PTBP2: variants seen among roughly 807,000 people sequenced by gnomAD.
PTBP2 encodes the protein polypyrimidine tract-binding protein 2.
PTBP2 carries 13 observed loss-of-function variants against 61.4 expected under a neutral mutation model. That is an observed-to-expected ratio of 0.21 (90% confidence interval 0.14 to 0.34). PTBP2 has a LOEUF of 0.34. Among genes scored for constraint, PTBP2 ranks in the 10% least tolerant of loss-of-function variants. PTBP2 has a pLI of 1.00. For synonymous variants in PTBP2, 215 were observed against 218.5 expected (o/e 0.98, Z 0.14); for missense variants, 405 against 642.6 (o/e 0.63, Z 4.00).
At chr1:96,763,132 G>A (rs1472736104) in intron 3 of PTBP2, among the ~76,000 whole-genome samples, 1 of 151,752 alleles carries the variant, frequency 6.6e-6, no homozygotes. Flanking sequence ...CGTTCCAGAC[G>A]ATGGGCGGCC....
intron 2 of PTBP2, among the ~76,000 whole-genome samples, chr1:96,740,661 T>G (rs957865284): frequency 6.6e-6 from 1 of 152,136 alleles, no homozygotes; most frequent in East Asian, 1.9e-4. Context: ...ATTTACTACA[T>G]GTTTATGTAT....
chr1:96,779,591 A>G (rs570173260), intron 7 of PTBP2, among the ~76,000 whole-genome samples: 1 of 152,206 alleles, frequency 6.6e-6, no homozygotes, highest in East Asian at 1.9e-4. Flanking sequence ...CAACTATGAT[A>G]TTGATGTTTG....
At chr1:96,723,622 G>T in intron 2 of PTBP2, 28 bp downstream of exon 2, 1 of 1,547,314 alleles carries the variant, frequency 6.5e-7, no homozygotes, top group East Asian at 2.3e-5. Flanking sequence ...TTGAAACTGG[G>T]ATTGTTGGAT....
At chr1:96,769,554 C>T in intron 3 of PTBP2, 149 bp from the exon 4 acceptor site, 4 of 490,226 alleles carry the variant, frequency 8.2e-6, no homozygotes, top group East Asian at 3.4e-5. Flanking sequence ...CTTTGAAAGC[C>T]TGGCATTTGA....
At chr1:96,761,105 T>C (rs1176907926) in intron 3 of PTBP2, among the ~76,000 whole-genome samples, 2 of 152,214 alleles carry the variant, frequency 1.3e-5, no homozygotes, top group African/African-American at 4.8e-5. Flanking sequence ...TCATTAATTT[T>C]TTGTTTAGAA....
intron 11 of PTBP2, among the ~76,000 whole-genome samples, chr1:96,807,681 G>A (rs1661636120): frequency 6.6e-6 from 1 of 152,182 alleles, no homozygotes; most frequent in Non-Finnish European, 1.5e-5. Flanking sequence ...GTAAGGACGA[G>A]TGTATTTTTG....
chr1:96,788,469 A>C (rs1444244882), intron 8 of PTBP2, among the ~76,000 whole-genome samples: 1 of 152,036 alleles, frequency 6.6e-6, no homozygotes, highest in Non-Finnish European at 1.5e-5. Context: ...GGTGATATCC[A>C]ATATTGCATG....
intron 3 of PTBP2, among the ~76,000 whole-genome samples, chr1:96,761,853 G>A (rs1002552575): frequency 6.6e-6 from 1 of 152,052 alleles, no homozygotes; most frequent in Non-Finnish European, 1.5e-5. Context: ...AGTGAACAAA[G>A]GTCTCTGGTT....
At chr1:96,730,718 A>G (rs1003463317) in intron 2 of PTBP2, among the ~76,000 whole-genome samples, 38 of 152,158 alleles carry the variant, frequency 2.5e-4, no homozygotes, top group African/African-American at 8.9e-4. Context: ...TGTAAACTCT[A>G]GTTACTTTGG....
intron 2 of PTBP2, among the ~76,000 whole-genome samples, chr1:96,744,324 A>AT (rs1286302302): frequency 6.6e-6 from 1 of 151,960 alleles, no homozygotes; most frequent in Non-Finnish European, 1.5e-5. Flanking sequence ...ATATATATAT[A>AT]TTTTTTAATT....
intron 2 of PTBP2, among the ~76,000 whole-genome samples, chr1:96,726,979 C>A (rs1222575631): frequency 1.3e-5 from 2 of 152,134 alleles, no homozygotes; most frequent in African/African-American, 4.8e-5. Context: ...CTCATATATA[C>A]CCTTGTGAAA....
At chr1:96,783,156 A>G (rs922256641) in intron 7 of PTBP2, among the ~76,000 whole-genome samples, 3 of 151,914 alleles carry the variant, frequency 2.0e-5, no homozygotes, top group African/African-American at 4.8e-5. Flanking sequence ...GAGCTTGCAT[A>G]TATTTTTTAA....
Position 96,785,052 on chromosome 1 carries a change from T to C in PTBP2, c.709-7T>C, listed in dbSNP as rs756962528. 9 of 1,534,292 alleles carry C rather than the reference T, an allele frequency of 5.9e-6. No individual in the cohort carries two copies. The highest frequency in any genetic ancestry group is 7.9e-6 in the Non-Finnish European group (9 of 1,141,966). Reference sequence around the variant, plus strand: ...AGATTGCTGATATGCTTTATTCACTTTTACAGGCCCTAGATGGTCAGAATA... The same window carrying C: ...AGATTGCTGATATGCTTTATTCACTCTTACAGGCCCTAGATGGTCAGAATA... On this transcript the variant is annotated splice_polypyrimidine_tract_variant and splice_region_variant and intron_variant, in intron 7 of 13. Coordinates refer to ENST00000674951, the MANE Select transcript of PTBP2 (RefSeq NM_021190.4).
exon 14 of PTBP2, chr1:96,821,692 TATCTC>T (rs1662688960): frequency 6.6e-6 from 1 of 151,978 alleles, no homozygotes. Flanking sequence ...GCGGTGGTAT[TATCTC>T]GGCTCACTGC....
In PTBP2 at chr1:96,789,594, T is replaced by C. The variant is rs1368369749; in HGVS notation, c.904+4340T>C. ...ATTAGCTGTTAAACTGAATTTATAA[T>C]TTTCTATATGTTTGTGATACATAAA... On this transcript the variant is annotated intron_variant, in intron 8 of 13. Coordinates refer to ENST00000674951, the MANE Select transcript of PTBP2 (RefSeq NM_021190.4). 2.0e-5 allele frequency among the ~76,000 whole-genome samples: 3 copies of C among 152,138 alleles called. No homozygotes were observed. The East Asian group carries it at 5.8e-4, about 29-fold the overall frequency.
chr1:96,753,073 G>A lies in PTBP2; in HGVS notation c.115+1573G>A, dbSNP rs188015362. Among the ~76,000 whole-genome samples, 439 of 152,214 alleles carry A rather than the reference G, an allele frequency of 2.9e-3. 2 individuals are homozygous for A. The highest frequency in any genetic ancestry group is 0.01 in the African/African-American group (429 of 41,524). On this transcript the variant is annotated intron_variant, in intron 3 of 13. Transcript: ENST00000674951. ...TCCTGGAGAAAAGAGAGCTGTCTAG[G>A]GGTTTAGGAATAGAGCAGGGGGCAG... is the stretch of plus-strand genomic sequence containing the variant.
chr1:96,806,526 G>A (rs1472060267), intron 10 of PTBP2, 74 bp downstream of exon 10: 2 of 1,471,238 alleles, frequency 1.4e-6, no homozygotes, highest in East Asian at 2.3e-5. Flanking sequence ...TTTGTAGCTA[G>A]CACTTTGGCT....
chr1:96,755,536 A>G (rs1028824284), intron 3 of PTBP2, among the ~76,000 whole-genome samples: 7 of 152,248 alleles, frequency 4.6e-5, no homozygotes, highest in African/African-American at 1.2e-4. Flanking sequence ...GTTAATGTTC[A>G]TAGCCATTTT....
Position 96,758,516 on chromosome 1 carries a change from C to T in PTBP2, c.115+7016C>T, listed in dbSNP as rs146120929. On this transcript the variant is annotated intron_variant, in intron 3 of 13. Transcript: ENST00000674951. ...TTCTTAAGAAAATGTTGGTAAATCA[C>T]CTCCGGTAGAATATGAGAGACAATT... 3.5e-3 allele frequency among the ~76,000 whole-genome samples: 537 copies of T among 152,114 alleles called. 1 individual carries two copies. The highest frequency in any genetic ancestry group is 0.011 in the African/African-American group (476 of 41,538).
Sources: gnomAD v4.1 joint callset for allele counts (sites outside exome capture counted in the v4.1 genomes callset) on GRCh38, gnomAD v4.1.1 for gene constraint, MANE v1.5 for transcripts, NCBI Gene and HGNC (gene_info 2026-07-23, HGNC 2026-07-21) for gene names.